ADCYAP1R1: variants seen among roughly 807,000 people sequenced by gnomAD.
The protein encoded by ADCYAP1R1 is ADCYAP receptor type I, also known as pituitary adenylate cyclase-activating polypeptide type I receptor.
In ADCYAP1R1, 44 loss-of-function variants were observed where a neutral mutation model predicts 67.6. The ratio of observed to expected loss-of-function variants is 0.65; its 90% CI spans 0.51 to 0.84. The LOEUF is 0.84. Ranked by LOEUF, ADCYAP1R1 falls within the 40% of genes least tolerant of loss-of-function variation. ADCYAP1R1 has a pLI of 0.00. For missense variants in ADCYAP1R1, 477 were observed against 587.9 expected (o/e 0.81, Z 1.95); for synonymous variants, 222 against 219.6 (o/e 1.01, Z -0.10).
intron 13 of ADCYAP1R1, among the ~76,000 whole-genome samples, chr7:31,098,188 G>A (rs1457808841): frequency 1.3e-5 from 2 of 152,230 alleles, no homozygotes; most frequent in East Asian, 1.9e-4. Context: ...AGGCCACTGC[G>A]CCCAGCCTGA....
chr7:31,103,813 G>T (rs151146335), intron 14 of ADCYAP1R1, among the ~76,000 whole-genome samples: 3 of 152,314 alleles, frequency 2.0e-5, no homozygotes, highest in Middle Eastern at 3.4e-3. Flanking sequence ...ATGAGTGAGT[G>T]GGGGGATGAG....
chr7:31,086,482 G>A lies in ADCYAP1R1; in HGVS notation c.768G>A (p.Val256=), dbSNP rs765240963. ...GCCTGTACCTCTTCACTCTGCTGGT[G>A]GAGACCTTCTTCCCTGAAAGGAGAT... The part of the protein sequence containing the change: ...IEGLYLFTLL[V]ETFFPERRYF... Residue 256 remains valine (V), a synonymous_variant, in exon 10 of 16, where the codon GTG becomes GTA. Transcript: ENST00000304166. This position sits in a 1 kb window ranked among gnomAD's most constrained non-coding sequence, Gnocchi z 5.0. 19 of 1,614,220 alleles carry A rather than the reference G, an allele frequency of 1.2e-5. No homozygotes were observed. Among genetic ancestry groups the A allele is most frequent in the Non-Finnish European group, 1.6e-5 (19 of 1,180,046 alleles).
chr7:31,081,857 G>C (rs1795527772), intron 6 of ADCYAP1R1, 103 bp downstream of exon 6: 1 of 871,322 alleles, frequency 1.1e-6, no homozygotes, highest in Non-Finnish European at 1.7e-6. Flanking sequence ...CTGCTCCTCT[G>C]TGGCTGTGTG....
intron 2 of ADCYAP1R1, among the ~76,000 whole-genome samples, chr7:31,063,816 A>G (rs1794614676): frequency 6.6e-6 from 1 of 152,192 alleles, no homozygotes; most frequent in Admixed American, 6.5e-5. Flanking sequence ...AACCCTGGGT[A>G]CCAGTCCTGC....
At position 31,087,756 on chromosome 7, in the gene ADCYAP1R1, C is replaced by A. The variant is rs976656089; in HGVS notation, c.954+60C>A. 3.5e-6 allele frequency: 5 copies of A among 1,411,968 alleles called. No individual in the cohort carries two copies. In the East Asian group the frequency reaches 1.2e-4, roughly 33 times the overall value. The allele number at this position is 1,411,968 out of a possible 1,614,324, so 87.5% of individuals were successfully genotyped here. ...ACAGGGTCTTGGGCAGAAAGGCACG[C>A]GAGGAAGAGAAATGAAAGAGTCCCC... is the stretch of plus-strand genomic sequence containing the variant. On this transcript the variant is annotated intron_variant, in intron 12 of 15. Transcript: ENST00000304166.
In ADCYAP1R1 at chr7:31,081,883, CTTT is replaced by C. The variant is rs961045086; in HGVS notation, c.328+134_328+136del. The C allele has an allele frequency of 1.4e-4, 89 of 654,654 alleles. No individual in the cohort carries two copies. The African/African-American group carries it at 1.5e-3, about 11-fold the overall frequency. 40.6% of individuals were successfully genotyped at this position (654,654 alleles called of 1,614,324 possible). A position where few individuals can be genotyped will look rare whatever the true frequency, so the allele number is the denominator to read the frequency against. On this transcript the variant is annotated intron_variant, in intron 6 of 15. Coordinates refer to ENST00000304166, the MANE Select transcript of ADCYAP1R1 (RefSeq NM_001118.5). The stretch of plus-strand genomic sequence containing the variant: ...TGGCTGTGTGATCTTTGGCAGGTGA[CTTT>C]TTTTCTCTGATAAAGGTACAGATTA...
In ADCYAP1R1 at chr7:31,084,123, G is replaced by GT; in HGVS notation, c.329-14dup. The stretch of plus-strand genomic sequence containing the variant: ...CTTAATCATTTCTGGGCCTCGCTGA[G>GT]TTTTCTTTTTGCTGCAGACATGGGA... On this transcript the variant is annotated splice_polypyrimidine_tract_variant and intron_variant, in intron 6 of 15. Coordinates refer to ENST00000304166, the MANE Select transcript of ADCYAP1R1 (RefSeq NM_001118.5). 6.2e-7 allele frequency: 1 copy of GT among 1,611,470 alleles called. No homozygotes were observed. Among genetic ancestry groups the GT allele is most frequent in the South Asian group, 1.1e-5 (1 of 90,918 alleles).
At position 31,106,915 on chromosome 7, in the gene ADCYAP1R1, A is replaced by T. The variant is rs1584556833; in HGVS notation, c.*231A>T. On this transcript the variant is annotated 3_prime_UTR_variant, in exon 16 of 16. Coordinates refer to ENST00000304166, the MANE Select transcript of ADCYAP1R1 (RefSeq NM_001118.5). ...GGGCCCTGACCCCAGACATGTAAATACTCCTCAAATTTGGAAAAGTTGTCC... is the reference window on the plus strand; with the variant it reads ...GGGCCCTGACCCCAGACATGTAAATTCTCCTCAAATTTGGAAAAGTTGTCC... 14 of 505,852 alleles carry T rather than the reference A, an allele frequency of 2.8e-5. No homozygotes were observed. The East Asian group carries it at 4.5e-4, about 16-fold the overall frequency. The allele number at this position is 505,852 out of a possible 1,614,324, so 31.3% of individuals were successfully genotyped here. A position where few individuals can be genotyped will look rare whatever the true frequency, so the allele number is the denominator to read the frequency against.
intron 4 of ADCYAP1R1, among the ~76,000 whole-genome samples, chr7:31,079,817 T>A (rs535498328): frequency 7.9e-4 from 120 of 152,252 alleles, no homozygotes; most frequent in African/African-American, 2.7e-3. Flanking sequence ...GCCTGGGGAT[T>A]GGGTGTGACC....
At position 31,084,845 on chromosome 7, in the gene ADCYAP1R1, C is replaced by T. The variant is rs199631771; in HGVS notation, c.536+11C>T. On this transcript the variant is annotated intron_variant, in intron 8 of 15. Transcript: ENST00000304166. ...CCTTTGTCGCTTCCGGTGAGACCCT[C>T]AGCAACATTCAAGCAAGCACCAGAG... 286 of 1,612,198 alleles carry T rather than the reference C, an allele frequency of 1.8e-4. 2 individuals carry two copies. In the South Asian group the frequency reaches 3.0e-3, roughly 17 times the overall value.
At chr7:31,094,183 C>A (rs1056318839) in intron 13 of ADCYAP1R1, among the ~76,000 whole-genome samples, 1 of 152,078 alleles carries the variant, frequency 6.6e-6, no homozygotes, top group African/African-American at 2.4e-5. Flanking sequence ...TTTACCAATT[C>A]TTGCTTATAT....
intron 4 of ADCYAP1R1, 128 bp from the exon 5 acceptor site, chr7:31,080,485 C>G: frequency 1.1e-6 from 1 of 938,464 alleles, no homozygotes; most frequent in Middle Eastern, 2.2e-4. Flanking sequence ...CCCAGAGCCC[C>G]TCTTTAATGT....
At chr7:31,083,518 A>G (rs1447398545) in intron 6 of ADCYAP1R1, among the ~76,000 whole-genome samples, 1 of 152,244 alleles carries the variant, frequency 6.6e-6, no homozygotes. Context: ...CAACACTTTA[A>G]AAGAAACCCA....
chr7:31,096,011 G>A (rs898721522), intron 13 of ADCYAP1R1, among the ~76,000 whole-genome samples: 5 of 152,174 alleles, frequency 3.3e-5, no homozygotes, highest in African/African-American at 9.7e-5. Context: ...GGGGTGAGGG[G>A]GGTTAGGGCT....
At chr7:31,059,693 C>T (rs1794408042) in intron 1 of ADCYAP1R1, among the ~76,000 whole-genome samples, 1 of 152,068 alleles carries the variant, frequency 6.6e-6, no homozygotes, top group African/African-American at 2.4e-5. Context: ...TGCAGAGAAG[C>T]ACTTGGTTTG....
chr7:31,099,812 C>G (rs1335523856), intron 13 of ADCYAP1R1, among the ~76,000 whole-genome samples: 1 of 152,192 alleles, frequency 6.6e-6, no homozygotes, highest in Non-Finnish European at 1.5e-5. Flanking sequence ...GCCTCTGGCT[C>G]CCTGTGTGAG....
At chr7:31,097,855 A>C (rs1796266530) in intron 13 of ADCYAP1R1, among the ~76,000 whole-genome samples, 1 of 152,094 alleles carries the variant, frequency 6.6e-6, no homozygotes, top group African/African-American at 2.4e-5. Flanking sequence ...TGGTTTACCC[A>C]AGCCAAGGTT....
intron 1 of ADCYAP1R1, among the ~76,000 whole-genome samples, chr7:31,053,100 G>A (rs1794089613): frequency 6.6e-6 from 1 of 152,186 alleles, no homozygotes; most frequent in Admixed American, 6.5e-5. Flanking sequence ...GCACCTACGC[G>A]GATCGGGAAG....
At position 31,084,793 on chromosome 7, in the gene ADCYAP1R1, C is replaced by T. The variant is rs763747750; in HGVS notation, c.495C>T (p.Leu165=). Residue 165 remains leucine, a synonymous_variant, in exon 8 of 16, where the codon CTC becomes CTT. Coordinates refer to ENST00000304166, the MANE Select transcript of ADCYAP1R1 (RefSeq NM_001118.5). ...ALYTVGYSTS[L]VTLTTAMVIL... is the part of the protein sequence containing the mutation. ...ACACGGTTGGCTACAGCACATCCCT[C>T]GTCACCCTCACCACTGCCATGGTCA... The T allele has an allele frequency of 5.0e-6, 8 of 1,614,132 alleles. No individual in the cohort carries two copies. Among genetic ancestry groups the T allele is most frequent in the East Asian group, 4.5e-5 (2 of 44,868 alleles).
Sources: gnomAD v4.1 joint callset for allele counts (sites outside exome capture counted in the v4.1 genomes callset) on GRCh38, gnomAD v4.1.1 for gene constraint, Gnocchi (gnomAD v3.1) non-coding constraint, MANE v1.5 for transcripts, NCBI Gene and HGNC (gene_info 2026-07-23, HGNC 2026-07-21) for gene names.